The following DDX6 variants were observed in gnomAD, a reference collection of about 807,000 sequenced individuals.
DDX6 encodes probable ATP-dependent RNA helicase DDX6.
In DDX6, 7 loss-of-function variants were observed where a neutral mutation model predicts 60.6. The observed-to-expected ratio is 0.12, with a 90% confidence interval of 0.07 to 0.22. The LOEUF (loss-of-function observed/expected upper bound fraction) is 0.22, where lower values mean the gene tolerates loss of function less well. Among genes scored for constraint, DDX6 ranks in the 10% least tolerant of loss-of-function variants. The pLI is 1.00. For synonymous variants in DDX6, 207 were observed against 201.0 expected (o/e 1.03, Z -0.25); for missense variants, 270 against 589.9 (o/e 0.46, Z 5.62).
chr11:118,762,351 C>A (rs1028653797), intron 7 of DDX6, among the ~76,000 whole-genome samples: 1 of 128 alleles, frequency 7.8e-3, no homozygotes, highest in Non-Finnish European at 0.022. Context: ...ACATTAACAA[C>A]GCTGATCACT....
At chr11:118,765,993 C>T (rs1223558961) in intron 5 of DDX6, among the ~76,000 whole-genome samples, 14 of 151,914 alleles carry the variant, frequency 9.2e-5, no homozygotes, top group African/African-American at 3.4e-4. Context: ...ATCGCTTGAA[C>T]CCGAGAGGCA....
At position 118,759,781 on chromosome 11, in the gene DDX6, A is replaced by C. The variant is rs140698342; in HGVS notation, c.864+141T>G. 48 of 877,156 alleles carry C rather than the reference A, an allele frequency of 5.5e-5. 1 individual carries two copies. In the African/African-American group the frequency reaches 8.1e-4, roughly 15 times the overall value. The allele number at this position is 877,156 out of a possible 1,614,324, so 54.3% of individuals were successfully genotyped here. Reference sequence around the variant, plus strand: ...GTTAATTTACGTAAAACAAATCTTTAATTGATCAACTGAAGAAAGAGCCAA... The same window carrying C: ...GTTAATTTACGTAAAACAAATCTTTCATTGATCAACTGAAGAAAGAGCCAA... On this transcript the variant is annotated intron_variant, in intron 8 of 13. Transcript: ENST00000534980.
At chr11:118,784,532 C>T (rs888077775) in intron 2 of DDX6, among the ~76,000 whole-genome samples, 1 of 150,926 alleles carries the variant, frequency 6.6e-6, no homozygotes, top group South Asian at 2.1e-4. Context: ...GATCTTGGCT[C>T]TCTGCAACCT....
At chr11:118,759,069 T>C in intron 8 of DDX6, 167 bp from the exon 9 acceptor site, 1 of 897,174 alleles carries the variant, frequency 1.1e-6, no homozygotes, top group Non-Finnish European at 1.6e-6. Flanking sequence ...ATTTCCCCCC[T>C]GCCACCCTGA....
Position 118,763,361 on chromosome 11 carries a change from G to A in DDX6, c.647-55C>T, listed in dbSNP as rs77407458. The A allele has an allele frequency of 4.4e-6, 6 of 1,353,028 alleles. 1 individual carries two copies. The South Asian group carries it at 4.7e-5, about 11-fold the overall frequency. 83.8% of individuals were successfully genotyped at this position (1,353,028 alleles called of 1,614,324 possible). A position where few individuals can be genotyped will look rare whatever the true frequency, so the allele number is the denominator to read the frequency against. On this transcript the variant is annotated intron_variant, in intron 6 of 13. Coordinates refer to ENST00000534980, the MANE Select transcript of DDX6 (RefSeq NM_004397.6). ...CATTAATTTTAATTTGAGCAAAGAG[G>A]ATAAAGGTTTATAATATTACAGTCC...
intron 4 of DDX6, among the ~76,000 whole-genome samples, chr11:118,777,383 C>T (rs555137136): frequency 2.6e-4 from 39 of 152,094 alleles, no homozygotes; most frequent in African/African-American, 3.6e-4. Flanking sequence ...TTTATATGTA[C>T]GTGTATATTT....
At chr11:118,782,978 G>C (rs1861949675) in intron 2 of DDX6, among the ~76,000 whole-genome samples, 1 of 152,184 alleles carries the variant, frequency 6.6e-6, no homozygotes, top group African/African-American at 2.4e-5. Context: ...TCTGATGTCA[G>C]TTTGACATAC....
intron 8 of DDX6, 142 bp downstream of exon 8, chr11:118,759,780 T>C: frequency 1.1e-6 from 1 of 889,110 alleles, no homozygotes; most frequent in Non-Finnish European, 1.6e-6. Flanking sequence ...AACAAATCTT[T>C]AATTGATCAA....
intron 4 of DDX6, among the ~76,000 whole-genome samples, chr11:118,776,849 A>G (rs1436396511): frequency 1.3e-5 from 2 of 151,806 alleles, no homozygotes; most frequent in African/African-American, 4.8e-5. Flanking sequence ...AAAAAAAGAA[A>G]GAAAAAAAAA....
intron 2 of DDX6, among the ~76,000 whole-genome samples, chr11:118,782,411 A>T (rs1156787337): frequency 3.6e-5 from 5 of 140,562 alleles, no homozygotes; most frequent in Admixed American, 7.1e-5. Context: ...AAGCATCTTT[A>T]AAAAAAAAAA....
At chr11:118,759,886 G>T (rs782124657) in intron 8 of DDX6, 36 bp downstream of exon 8, 10 of 1,599,540 alleles carry the variant, frequency 6.3e-6, no homozygotes, top group Middle Eastern at 3.4e-4. Flanking sequence ...AAAGGTCACA[G>T]GATGGCACTG....
At chr11:118,773,729 C>CTA (rs1403304847) in intron 4 of DDX6, among the ~76,000 whole-genome samples, 1 of 151,800 alleles carries the variant, frequency 6.6e-6, no homozygotes, top group East Asian at 1.9e-4. Context: ...TGGCTCACAC[C>CTA]TGTAATCTCA....
chr11:118,763,989 G>C (rs1555160833), intron 6 of DDX6, among the ~76,000 whole-genome samples: 1 of 152,056 alleles, frequency 6.6e-6, no homozygotes, highest in Non-Finnish European at 1.5e-5. Context: ...TCTACATTGG[G>C]TGGGGTACAG....
chr11:118,784,624 GA>G (rs1322966622), intron 2 of DDX6, among the ~76,000 whole-genome samples: 2 of 151,832 alleles, frequency 1.3e-5, no homozygotes, highest in Non-Finnish European at 2.9e-5. Flanking sequence ...ACACCCAGCT[GA>G]TTTTTGTATT....
intron 10 of DDX6, 132 bp downstream of exon 10, chr11:118,757,039 G>T: frequency 2.1e-6 from 1 of 468,522 alleles, no homozygotes; most frequent in Non-Finnish European, 3.8e-6. Flanking sequence ...CCTGAGGGAG[G>T]TCAAAATGAA....
intron 4 of DDX6, among the ~76,000 whole-genome samples, chr11:118,775,538 A>AT (rs1222721561): frequency 5.3e-5 from 8 of 152,152 alleles, no homozygotes; most frequent in African/African-American, 1.4e-4. Flanking sequence ...GAAAAAGGCA[A>AT]TAAAAAAAAA....
intron 4 of DDX6, among the ~76,000 whole-genome samples, chr11:118,779,008 T>C (rs782527404): frequency 6.6e-6 from 1 of 151,534 alleles, no homozygotes; most frequent in Non-Finnish European, 1.5e-5. Flanking sequence ...AATAGAAAAA[T>C]TAGCCGGGTG....
intron 4 of DDX6, among the ~76,000 whole-genome samples, chr11:118,777,496 G>T (rs1355603237): frequency 6.6e-6 from 1 of 152,132 alleles, no homozygotes; most frequent in Non-Finnish European, 1.5e-5. Flanking sequence ...CTGGGTCTTG[G>T]TCCCTAATAC....
chr11:118,764,406 A>G (rs1555160907), intron 6 of DDX6, among the ~76,000 whole-genome samples: 1 of 152,052 alleles, frequency 6.6e-6, no homozygotes, highest in East Asian at 1.9e-4. Flanking sequence ...ATCTCCTTCT[A>G]AGTTGGCCAA....
Sources: gnomAD v4.1 joint callset for allele counts (sites outside exome capture counted in the v4.1 genomes callset) on GRCh38, gnomAD v4.1.1 for gene constraint, MANE v1.5 for transcripts, NCBI Gene and HGNC (gene_info 2026-07-23, HGNC 2026-07-21) for gene names.